CPA6: variants seen among roughly 807,000 people sequenced by gnomAD.
CPA6 encodes carboxypeptidase A6.
Under a neutral mutation model 63.3 loss-of-function variants are expected in CPA6, and 58 were observed. The observed-to-expected ratio is 0.92, with a 90% confidence interval of 0.74 to 1.14. The LOEUF (loss-of-function observed/expected upper bound fraction) is 1.14. CPA6 is among the 50% of genes most tolerant of loss of function. The pLI is 0.00. For synonymous variants in CPA6, 185 were observed against 179.0 expected (o/e 1.03, Z -0.27); for missense variants, 565 against 526.6 (o/e 1.07, Z -0.71).
intron 1 of CPA6, among the ~76,000 whole-genome samples, chr8:67,692,959 A>G (rs1816842407): frequency 6.6e-6 from 1 of 152,210 alleles, no homozygotes; most frequent in Non-Finnish European, 1.5e-5. Context: ...CACAAAGGAC[A>G]CTGGCAGGGG....
At chr8:67,512,396 C>A (rs767905570) in intron 3 of CPA6, among the ~76,000 whole-genome samples, 45 of 152,230 alleles carry the variant, frequency 3.0e-4, no homozygotes, top group Non-Finnish European at 2.9e-4. Flanking sequence ...GAAGAAATAC[C>A]CAGAGTTGGA....
intron 1 of CPA6, among the ~76,000 whole-genome samples, chr8:67,741,441 A>G (rs901863312): frequency 3.3e-5 from 5 of 152,112 alleles, no homozygotes; most frequent in African/African-American, 9.7e-5. Context: ...GGGGTCCCAA[A>G]ACTCCTGGCC....
intron 1 of CPA6, among the ~76,000 whole-genome samples, chr8:67,715,471 A>G (rs1489173841): frequency 6.6e-6 from 1 of 152,124 alleles, no homozygotes; most frequent in Non-Finnish European, 1.5e-5. Context: ...TTCCACTTCC[A>G]TTTTCCAATG....
At chr8:67,660,322 G>GTTTTTTTTTTT (rs869189030) in intron 1 of CPA6, among the ~76,000 whole-genome samples, 7 of 73,906 alleles carry the variant, frequency 9.5e-5, no homozygotes, top group African/African-American at 3.2e-4. Flanking sequence ...ATTATTGCAG[G>GTTTTTTTTTTT]TTTTTTTTTT....
intron 2 of CPA6, among the ~76,000 whole-genome samples, chr8:67,603,402 A>G (rs1814545599): frequency 6.6e-6 from 1 of 152,144 alleles, no homozygotes; most frequent in African/African-American, 2.4e-5. Flanking sequence ...CACATTTATT[A>G]TATAAAGAGA....
intron 2 of CPA6, among the ~76,000 whole-genome samples, chr8:67,599,033 G>A (rs1814421313): frequency 6.6e-6 from 1 of 151,912 alleles, no homozygotes; most frequent in Non-Finnish European, 1.5e-5. Context: ...CTTAATATTA[G>A]CATGGTATTT....
intron 3 of CPA6, among the ~76,000 whole-genome samples, chr8:67,514,620 T>C (rs1436096320): frequency 6.6e-6 from 1 of 152,206 alleles, no homozygotes; most frequent in Non-Finnish European, 1.5e-5. Flanking sequence ...AAAACACTCA[T>C]TTTTTAGACT....
At chr8:67,477,597 T>C (rs934879802) in intron 8 of CPA6, among the ~76,000 whole-genome samples, 1 of 152,174 alleles carries the variant, frequency 6.6e-6, no homozygotes, top group Admixed American at 6.5e-5. Context: ...CTCATTTGGA[T>C]ATAAAAGTGG....
At chr8:67,649,127 C>T (rs754391446) in intron 1 of CPA6, among the ~76,000 whole-genome samples, 10 of 151,440 alleles carry the variant, frequency 6.6e-5, no homozygotes, top group Non-Finnish European at 1.3e-4. Flanking sequence ...CATGGAAAGA[C>T]GAAAATAACT....
At chr8:67,528,945 A>G (rs1812421869) in intron 2 of CPA6, among the ~76,000 whole-genome samples, 1 of 151,306 alleles carries the variant, frequency 6.6e-6, no homozygotes, top group Non-Finnish European at 1.5e-5. Flanking sequence ...GAGACTATTG[A>G]AAAGGATTAT....
intron 3 of CPA6, 82 bp from the exon 4 acceptor site, chr8:67,511,737 A>G: frequency 1.3e-6 from 1 of 775,984 alleles, no homozygotes; most frequent in Non-Finnish European, 2.3e-6. Context: ...AATCATATGC[A>G]TCTATGTAAA....
chr8:67,743,698 A>G (rs1288610726), intron 1 of CPA6, among the ~76,000 whole-genome samples: 1 of 152,010 alleles, frequency 6.6e-6, no homozygotes, highest in African/African-American at 2.4e-5. Flanking sequence ...ACTTGGCACT[A>G]TCCAATTGTT....
chr8:67,739,902 C>T (rs1414192944), intron 1 of CPA6, among the ~76,000 whole-genome samples: 1 of 152,066 alleles, frequency 6.6e-6, no homozygotes, highest in Non-Finnish European at 1.5e-5. Context: ...CTACATTAAC[C>T]CAGACTGAGA....
intron 2 of CPA6, among the ~76,000 whole-genome samples, chr8:67,574,317 AG>A (rs1813567041): frequency 1.3e-5 from 2 of 150,454 alleles, no homozygotes; most frequent in Non-Finnish European, 3.0e-5. Context: ...TGGAGGTTGC[AG>A]TGAGCTGAGA....
At chr8:67,659,135 A>G (rs1816052907) in intron 1 of CPA6, among the ~76,000 whole-genome samples, 2 of 152,108 alleles carry the variant, frequency 1.3e-5, no homozygotes, top group Admixed American at 1.3e-4. Context: ...CTTCCTCTCC[A>G]TGCGTTTCTT....
chr8:67,648,663 G>C (rs1463369673), intron 1 of CPA6, among the ~76,000 whole-genome samples: 2 of 152,160 alleles, frequency 1.3e-5, no homozygotes, highest in Non-Finnish European at 1.5e-5. Flanking sequence ...CTCTACCAGA[G>C]ATTTTAAGAA....
intron 1 of CPA6, among the ~76,000 whole-genome samples, chr8:67,684,697 G>A (rs1816674581): frequency 6.6e-6 from 1 of 152,108 alleles, no homozygotes; most frequent in Admixed American, 6.5e-5. Context: ...TCTCTGCTTG[G>A]CCAAAGTTTA....
chr8:67,501,524 T>A (rs1262121630), intron 6 of CPA6, among the ~76,000 whole-genome samples: 1 of 152,174 alleles, frequency 6.6e-6, no homozygotes, highest in Non-Finnish European at 1.5e-5. Context: ...ATATAATTTT[T>A]CTTCTTTAGC....
At chr8:67,631,492 T>A (rs537287813) in intron 1 of CPA6, among the ~76,000 whole-genome samples, 1 of 152,330 alleles carries the variant, frequency 6.6e-6, no homozygotes, top group Admixed American at 6.5e-5. Context: ...CTTTCGTGTC[T>A]AGCTCAAGGT....
Sources: allele counts gnomAD v4.1 joint callset (sites outside exome capture counted in the v4.1 genomes callset), GRCh38; gene constraint gnomAD v4.1.1; transcripts MANE v1.5; gene names NCBI Gene and HGNC (gene_info 2026-07-23, HGNC 2026-07-21).